WDR41: variants seen among roughly 807,000 people sequenced by gnomAD.
WDR41 encodes WD repeat-containing protein 41.
WDR41 carries 63 observed loss-of-function variants against 69.3 expected under a neutral mutation model. The ratio of observed to expected loss-of-function variants is 0.91; its 90% CI spans 0.74 to 1.12. The LOEUF is 1.12. Ranked by LOEUF, WDR41 falls within the 50% of genes most tolerant of loss-of-function variation. The probability of loss-of-function intolerance (pLI) is 0.00; values close to 1 mark genes in which losing one functional copy is unlikely to be tolerated. For missense variants in WDR41, 543 were observed against 534.5 expected (o/e 1.02, Z -0.16); for synonymous variants, 185 against 192.1 (o/e 0.96, Z 0.31).
chr5:77,451,330 G>A lies in WDR41; in HGVS notation c.547C>T (p.Pro183Ser), dbSNP rs763725207. ...ACTGCTGCCACAACACAGTTCTTAG[G>A]TATTTCAACCAAAGCACTAATACCT... Reference protein sequence around the residue: ...DTGISALVEIPKNCVVAAVGK... With the variant: ...DTGISALVEISKNCVVAAVGK... Residue 183 changes from proline to serine, a missense_variant, in exon 7 of 13, where the codon CCT (proline) becomes TCT (serine). Pro to Ser is a moderately conservative substitution (Grantham distance 74, BLOSUM62 -1). Transcript: ENST00000296679. 5 of 1,613,550 alleles carry A rather than the reference G, an allele frequency of 3.1e-6. No homozygotes were observed. The highest frequency in any genetic ancestry group is 4.2e-6 in the Non-Finnish European group (5 of 1,179,682).
intron 1 of WDR41, among the ~76,000 whole-genome samples, chr5:77,490,061 G>T (rs1323428142): frequency 6.6e-6 from 1 of 151,972 alleles, no homozygotes; most frequent in African/African-American, 2.4e-5. Context: ...ATCAACTCTG[G>T]ATTTCTCAAA....
upstream of WDR41, among the ~76,000 whole-genome samples, chr5:77,497,180 A>G (rs1801946826): frequency 6.6e-6 from 1 of 152,206 alleles, no homozygotes; most frequent in Non-Finnish European, 1.5e-5. Context: ...TATTCATCAC[A>G]TTAAATTTGG....
intron 5 of WDR41, among the ~76,000 whole-genome samples, chr5:77,458,665 T>C (rs978201444): frequency 2.0e-5 from 3 of 152,192 alleles, no homozygotes; most frequent in Admixed American, 6.5e-5. Context: ...GTAACTGACA[T>C]GTCTTGCCTT....
chr5:77,588,530 C>A (rs1744080546), intron 1 of WDR41, among the ~76,000 whole-genome samples: 1 of 152,098 alleles, frequency 6.6e-6, no homozygotes, highest in South Asian at 2.1e-4. Context: ...AAAAAAATGA[C>A]CCTTTCCCTT....
At chr5:77,540,214 G>A (rs1203122130) in intron 1 of WDR41, among the ~76,000 whole-genome samples, 1 of 152,214 alleles carries the variant, frequency 6.6e-6, no homozygotes, top group Non-Finnish European at 1.5e-5. Context: ...CCCGTGGGAT[G>A]AGTCTTGCTT....
At chr5:77,445,194 C>T (rs946038564) in intron 8 of WDR41, among the ~76,000 whole-genome samples, 1 of 152,088 alleles carries the variant, frequency 6.6e-6, no homozygotes, top group African/African-American at 2.4e-5. Flanking sequence ...TGAATAAATT[C>T]CTGGACACAT....
intron 8 of WDR41, among the ~76,000 whole-genome samples, chr5:77,442,816 C>T (rs141147988): frequency 3.6e-5 from 5 of 137,690 alleles, no homozygotes; most frequent in South Asian, 2.4e-4. Flanking sequence ...GACGTGAACC[C>T]GGGAGGCGGA....
At chr5:77,535,616 A>C (rs2112215277) in intron 1 of WDR41, among the ~76,000 whole-genome samples, 1 of 152,290 alleles carries the variant, frequency 6.6e-6, no homozygotes, top group East Asian at 1.9e-4. Context: ...TAGGGTCTTC[A>C]ACTCCATAAT....
chr5:77,596,555 G>A (rs1744231707), intron 1 of WDR41, among the ~76,000 whole-genome samples: 1 of 151,874 alleles, frequency 6.6e-6, no homozygotes, highest in African/African-American at 2.4e-5. Flanking sequence ...TTGAAATGGA[G>A]TCTTGCTATG....
intron 1 of WDR41, among the ~76,000 whole-genome samples, chr5:77,597,425 T>G (rs1288748289): frequency 5.9e-5 from 9 of 152,216 alleles, no homozygotes; most frequent in Non-Finnish European, 1.3e-4. Context: ...GTTCTCTACC[T>G]TGTTTCTGGC....
chr5:77,536,297 G>A (rs1265217581), intron 1 of WDR41, among the ~76,000 whole-genome samples: 8 of 151,856 alleles, frequency 5.3e-5, no homozygotes, highest in Non-Finnish European at 1.2e-4. Flanking sequence ...CTATATCCCT[G>A]TAATATAAAT....
chr5:77,470,939 A>G (rs1800571592), intron 2 of WDR41, among the ~76,000 whole-genome samples: 1 of 152,190 alleles, frequency 6.6e-6, no homozygotes, highest in Non-Finnish European at 1.5e-5. Context: ...ATAGACATCT[A>G]CAGAACTCTC....
intron 1 of WDR41, among the ~76,000 whole-genome samples, chr5:77,619,479 CCT>C (rs1744737542): frequency 6.6e-6 from 1 of 152,090 alleles, no homozygotes; most frequent in African/African-American, 2.4e-5. Context: ...CCCAATTTTC[CCT>C]CTTACCCTCA....
chr5:77,505,266 G>T (rs575681936), intron 1 of WDR41, among the ~76,000 whole-genome samples: 241 of 151,650 alleles, frequency 1.6e-3, no homozygotes, highest in Middle Eastern at 3.4e-3. Flanking sequence ...ATGAGTGAAC[G>T]CCCATTTACA....
At chr5:77,433,825 T>C (rs335627) in intron 12 of WDR41, among the ~76,000 whole-genome samples, 38,567 of 152,074 alleles carry the variant, frequency 0.25, 5,633 homozygotes, top group Non-Finnish European at 0.33. Context: ...GTATAGACTA[T>C]GACATGTCAC....
At chr5:77,606,991 G>T (rs1002944639) in intron 1 of WDR41, among the ~76,000 whole-genome samples, 3 of 151,288 alleles carry the variant, frequency 2.0e-5, no homozygotes, top group African/African-American at 7.3e-5. Flanking sequence ...CTGTGGGAAG[G>T]CCATGGAGAA....
chr5:77,525,459 A>T (rs915291377), intron 1 of WDR41, among the ~76,000 whole-genome samples: 1 of 152,182 alleles, frequency 6.6e-6, no homozygotes, highest in Non-Finnish European at 1.5e-5. Flanking sequence ...AGTGAGACAG[A>T]ATAGGAGCTG....
chr5:77,515,534 A>G (rs528165335), intron 1 of WDR41, among the ~76,000 whole-genome samples: 1 of 152,354 alleles, frequency 6.6e-6, no homozygotes, highest in Non-Finnish European at 1.5e-5. Context: ...AACAATAAAA[A>G]GAGTATAGTA....
Position 77,451,310 on chromosome 5 carries a change from T to C in WDR41, c.567A>G (p.Ala189=), listed in dbSNP as rs1799619179. 1 of 1,613,772 alleles carries C rather than the reference T, an allele frequency of 6.2e-7. No individual in the cohort carries two copies. The highest frequency in any genetic ancestry group is 8.5e-7 in the Non-Finnish European group (1 of 1,179,750). The change falls in exon 7 of 13, where the codon GCA becomes GCG. Residue 189 remains alanine (A), a synonymous_variant. Transcript: ENST00000296679. The part of the protein sequence containing the change: ...LVEIPKNCVV[A]AVGKELIIFR... Reference sequence around the variant, plus strand: ...ACTCACTCAGTTCTTTGCCAACTGCTGCCACAACACAGTTCTTAGGTATTT... The same window carrying C: ...ACTCACTCAGTTCTTTGCCAACTGCCGCCACAACACAGTTCTTAGGTATTT...
Sources: gnomAD v4.1 joint callset for allele counts (sites outside exome capture counted in the v4.1 genomes callset) on GRCh38, gnomAD v4.1.1 for gene constraint, MANE v1.5 for transcripts, NCBI Gene and HGNC (gene_info 2026-07-23, HGNC 2026-07-21) for gene names.